MASP1: variants seen among roughly 807,000 people sequenced by gnomAD.
MASP1 encodes the protein mannan-binding lectin serine protease 1.
Under a neutral mutation model 77.1 loss-of-function variants are expected in MASP1, and 59 were observed. That is an observed-to-expected ratio of 0.77 (90% CI 0.62 to 0.95). The LOEUF (loss-of-function observed/expected upper bound fraction) is 0.95. MASP1 is among the 40% of genes least tolerant of loss of function. The pLI is 0.00. For missense variants in MASP1, 885 were observed against 912.9 expected, an observed-to-expected ratio of 0.97 and a Z score of 0.39; for synonymous variants, 362 against 354.5, an observed-to-expected ratio of 1.02 and a Z score of -0.24.
intron 2 of MASP1, among the ~76,000 whole-genome samples, chr3:187,263,564 A>G (rs1032727317): frequency 6.6e-6 from 1 of 152,236 alleles, no homozygotes; most frequent in African/African-American, 2.4e-5. Flanking sequence ...AGTGGAAGAC[A>G]CTGAAAACTT....
exon 16 of MASP1, chr3:187,219,364 C>T (rs1202994278): frequency 6.5e-6 from 1 of 153,202 alleles, no homozygotes; most frequent in Admixed American, 6.5e-5. Context: ...AACCACAATC[C>T]CCAGGCTCCC....
chr3:187,252,258 T>A lies in MASP1; in HGVS notation c.893-506A>T, dbSNP rs192171369. ...ACCTTTCAGGCACGGACTCTGCTGA[T>A]TACATGAACACTGCATTCCTACTTA... is the stretch of plus-strand genomic sequence containing the variant. On this transcript the variant is annotated intron_variant, in intron 6 of 10. Transcript: ENST00000296280. Among the ~76,000 whole-genome samples the A allele has an allele frequency of 4.7e-4, 71 of 152,342 alleles. 1 individual carries two copies. The highest frequency in any genetic ancestry group is 1.6e-3 in the African/African-American group (68 of 41,576).
intron 8 of MASP1, 84 bp downstream of exon 8, chr3:187,250,167 G>C (rs1714439090): frequency 8.9e-7 from 1 of 1,120,866 alleles, no homozygotes; most frequent in Non-Finnish European, 1.4e-6. Flanking sequence ...CTCCTGCCAA[G>C]CTTTCACCCT....
At chr3:187,243,380 C>CA (rs1713815352) in intron 9 of MASP1, 104 bp downstream of exon 9, 1 of 1,203,518 alleles carries the variant, frequency 8.3e-7, no homozygotes, top group African/African-American at 1.5e-5. Context: ...GCTCTACACA[C>CA]TTATGAGCAG....
intron 2 of MASP1, among the ~76,000 whole-genome samples, chr3:187,284,760 T>C (rs563529239): frequency 2.0e-5 from 3 of 152,140 alleles, no homozygotes; most frequent in Non-Finnish European, 2.9e-5. Flanking sequence ...CTTGGGTGAG[T>C]TGCTTAACCT....
At chr3:187,245,602 T>C (rs897373728) in intron 8 of MASP1, among the ~76,000 whole-genome samples, 1 of 152,094 alleles carries the variant, frequency 6.6e-6, no homozygotes, top group African/African-American at 2.4e-5. Flanking sequence ...GAAAAAGCCA[T>C]GTTTCTCTGG....
chr3:187,291,316 CAGG>C (rs958620349), intron 1 of MASP1: 23 of 485,268 alleles, frequency 4.7e-5, no homozygotes, highest in Non-Finnish European at 8.8e-5. Context: ...TGTGGGTGAA[CAGG>C]AGGAGAGTCA....
intron 13 of MASP1, chr3:187,223,209 A>G: frequency 2.5e-6 from 4 of 1,611,778 alleles, no homozygotes; most frequent in Non-Finnish European, 3.4e-6. Flanking sequence ...AGGAGAGAAG[A>G]TACTGTGAGA....
At chr3:187,229,211 G>A (rs1712619827), downstream of MASP1, among the ~76,000 whole-genome samples, 3 of 152,166 alleles carry the variant, frequency 2.0e-5, no homozygotes. Context: ...AAAGGTGACA[G>A]TCCTATTTCC....
At chr3:187,233,838 C>T (rs1712915160), downstream of MASP1, among the ~76,000 whole-genome samples, 1 of 152,144 alleles carries the variant, frequency 6.6e-6, no homozygotes, top group African/African-American at 2.4e-5. Flanking sequence ...AGGCTCAAGT[C>T]CTTTGAAGAC....
chr3:187,260,732 A>G lies in MASP1; in HGVS notation c.547+9T>C. 1 of 1,614,176 alleles carries G rather than the reference A, an allele frequency of 6.2e-7. No homozygotes were observed. The highest frequency in any genetic ancestry group is 8.5e-7 in the Non-Finnish European group (1 of 1,180,014). ...AAGGGCAATGCATACAATCATTGGT[A>G]GGCTCTACCTCGGCAGGTCCTGTTG... On this transcript the variant is annotated intron_variant, in intron 4 of 10. Coordinates refer to ENST00000296280, the MANE Select transcript of MASP1 (RefSeq NM_139125.4).
chr3:187,236,597 G>A, intron 10 of MASP1, 30 bp from the exon 11 acceptor site: 3 of 1,613,464 alleles, frequency 1.9e-6, no homozygotes, highest in African/African-American at 2.7e-5. Context: ...GCAGGGACAA[G>A]AGACAGAGAC....
rs1713073409 is a variant in MASP1, at chr3:187,235,518, T to A, written c.*166A>T. On this transcript the variant is annotated 3_prime_UTR_variant, in exon 11 of 11. Coordinates refer to ENST00000296280, the MANE Select transcript of MASP1 (RefSeq NM_139125.4). ...TCTCCTGCCTGGAGCCTTTTCCCTA[T>A]ACCACACTCTGCCTCTCAGGGTCCT... The A allele has an allele frequency of 2.6e-6, 4 of 1,532,400 alleles. No individual in the cohort carries two copies. In the South Asian group the frequency reaches 3.6e-5, roughly 14 times the overall value. 94.9% of individuals were successfully genotyped at this position (1,532,400 alleles called of 1,614,324 possible). A position where few individuals can be genotyped will look rare whatever the true frequency, so the allele number is the denominator to read the frequency against.
chr3:187,226,459 C>A lies in MASP1; in HGVS notation c.1503G>T (p.Pro501=), dbSNP rs185028232. 4 of 1,612,784 alleles carry A rather than the reference C, an allele frequency of 2.5e-6. No homozygotes were observed. In the African/African-American group the frequency reaches 5.3e-5, roughly 22 times the overall value. Reference sequence around the variant, plus strand: ...TGAGCAAGTCTGAATCACGTAGGGTCGGATCTTCCGGATCGAGTGACTGGT... The same window carrying A: ...TGAGCAAGTCTGAATCACGTAGGGTAGGATCTTCCGGATCGAGTGACTGGT... The change falls in exon 12 of 16, where the codon CCG becomes CCT. Residue 501 remains proline, a synonymous_variant. Transcript: ENST00000337774.
intron 5 of MASP1, among the ~76,000 whole-genome samples, chr3:187,253,837 AG>A (rs1271397035): frequency 1.3e-5 from 2 of 149,310 alleles, no homozygotes; most frequent in Non-Finnish European, 3.0e-5. Context: ...AGGGCCTGTC[AG>A]GGGGTGGCGG....
intron 7 of MASP1, 134 bp from the exon 8 acceptor site, chr3:187,250,463 A>C (rs1714480657): frequency 2.6e-6 from 2 of 768,416 alleles, no homozygotes; most frequent in Admixed American, 1.8e-5. Context: ...TGGGCTTCCA[A>C]GGGTGAGCTT....
At chr3:187,270,223 C>T (rs1297474924) in intron 2 of MASP1, among the ~76,000 whole-genome samples, 1 of 152,202 alleles carries the variant, frequency 6.6e-6, no homozygotes, top group Non-Finnish European at 1.5e-5. Flanking sequence ...AGATTCTTTG[C>T]TTAGCCAAAT....
intron 1 of MASP1, among the ~76,000 whole-genome samples, chr3:187,290,198 G>A (rs996897010): frequency 2.0e-5 from 3 of 152,084 alleles, no homozygotes; most frequent in Admixed American, 1.3e-4. Flanking sequence ...CAGCTTCAAG[G>A]GACAGAAACA....
chr3:187,243,445 G>A (rs1325811533), intron 9 of MASP1, 39 bp downstream of exon 9: 1 of 1,613,144 alleles, frequency 6.2e-7, no homozygotes, highest in South Asian at 1.1e-5. Context: ...CCCCGAGAGT[G>A]TGAAACGGGA....
Sources: gnomAD v4.1 joint callset for allele counts (sites outside exome capture counted in the v4.1 genomes callset) on GRCh38, gnomAD v4.1.1 for gene constraint, MANE v1.5 for transcripts, NCBI Gene and HGNC (gene_info 2026-07-23, HGNC 2026-07-21) for gene names.